The following ERBB4 variants were observed in gnomAD, a reference collection of about 807,000 sequenced individuals.
The protein encoded by ERBB4 is erb-b2 receptor tyrosine kinase 4.
A neutral mutation model predicts 158.0 loss-of-function variants in ERBB4; 42 were observed. The ratio of observed to expected loss-of-function variants is 0.27; its 90% confidence interval spans 0.21 to 0.34. ERBB4 has a LOEUF of 0.34. ERBB4 is among the 10% of genes least tolerant of loss of function. ERBB4 has a pLI of 1.00. For missense variants in ERBB4, 1,333 were observed against 1,624.1 expected, an observed-to-expected ratio of 0.82 and a Z score of 3.08; for synonymous variants, 583 against 558.7, an observed-to-expected ratio of 1.04 and a Z score of -0.61.
intron 3 of ERBB4, among the ~76,000 whole-genome samples, chr2:211,923,381 T>C (rs1281322132): frequency 1.3e-5 from 2 of 152,156 alleles, no homozygotes; most frequent in African/African-American, 4.8e-5. Flanking sequence ...TAAACAATGT[T>C]AAGATGAAAT....
intron 2 of ERBB4, among the ~76,000 whole-genome samples, chr2:212,105,971 C>G (rs139737091): frequency 6.6e-6 from 1 of 152,200 alleles, no homozygotes; most frequent in Non-Finnish European, 1.5e-5. Flanking sequence ...GATTGTAAAG[C>G]CTCCCCAGCC....
chr2:211,382,017 A>G lies in ERBB4; in HGVS notation c.*1598T>C, dbSNP rs2062581143. On this transcript the variant is annotated 3_prime_UTR_variant, in exon 28 of 28. Coordinates refer to ENST00000342788, the MANE Select transcript of ERBB4 (RefSeq NM_005235.3). ...ATAATAATGATGGTTCTAGTACTGGATGCAGTATATGAAGAAAGGGAATTA... is the reference window on the plus strand; with the variant it reads ...ATAATAATGATGGTTCTAGTACTGGGTGCAGTATATGAAGAAAGGGAATTA... 1 of 229,096 alleles carries G rather than the reference A, an allele frequency of 4.4e-6. No individual in the cohort carries two copies. The allele number at this position is 229,096 out of a possible 1,614,324, so 14.2% of individuals were successfully genotyped here.
intron 19 of ERBB4, among the ~76,000 whole-genome samples, chr2:211,593,149 A>G (rs1416091035): frequency 6.6e-6 from 1 of 152,172 alleles, no homozygotes; most frequent in Non-Finnish European, 1.5e-5. Flanking sequence ...TCAATGGGGC[A>G]AAAAAGCAGA....
intron 10 of ERBB4, among the ~76,000 whole-genome samples, chr2:211,705,097 C>T (rs1437491456): frequency 6.6e-6 from 1 of 152,018 alleles, no homozygotes; most frequent in Non-Finnish European, 1.5e-5. Context: ...GCTGGGATTA[C>T]AGGCACGCGC....
intron 3 of ERBB4, among the ~76,000 whole-genome samples, chr2:211,946,123 G>T (rs553626607): frequency 6.6e-6 from 1 of 151,934 alleles, no homozygotes; most frequent in Non-Finnish European, 1.5e-5. Context: ...AGAAATAAAA[G>T]TGAAAATGTT....
At position 211,752,297 on chromosome 2, in the gene ERBB4, T is replaced by C. The variant is rs535173489; in HGVS notation, c.557-1593A>G. On this transcript the variant is annotated intron_variant, in intron 4 of 27. Transcript: ENST00000342788. Reference sequence around the variant, plus strand: ...ACTTTTTGGAGTACAAACTTTTTTATGAGAAAGTAGCTAATGTTAATGTGT... The same window carrying C: ...ACTTTTTGGAGTACAAACTTTTTTACGAGAAAGTAGCTAATGTTAATGTGT... Among the ~76,000 whole-genome samples, 14 of 152,170 alleles carry C rather than the reference T, an allele frequency of 9.2e-5. No individual in the cohort carries two copies. In the South Asian group the frequency reaches 2.9e-3, roughly 32 times the overall value.
At chr2:212,234,603 G>C (rs71500439) in intron 1 of ERBB4, among the ~76,000 whole-genome samples, 1 of 152,044 alleles carries the variant, frequency 6.6e-6, no homozygotes, top group Non-Finnish European at 1.5e-5. Context: ...CACCAACAGC[G>C]TAAAAGCGTT....
intron 2 of ERBB4, among the ~76,000 whole-genome samples, chr2:211,986,811 C>G (rs2081947953): frequency 6.6e-6 from 1 of 152,048 alleles, no homozygotes; most frequent in Admixed American, 6.6e-5. Flanking sequence ...AAAATTTTTA[C>G]TAATTACATC....
intron 3 of ERBB4, among the ~76,000 whole-genome samples, chr2:211,946,679 A>G (rs1401379823): frequency 2.2e-5 from 3 of 133,530 alleles, no homozygotes. Context: ...CATTTTGATT[A>G]CAGGTATACA....
intron 3 of ERBB4, among the ~76,000 whole-genome samples, chr2:211,836,462 T>G (rs574119499): frequency 1.5e-4 from 23 of 152,186 alleles, no homozygotes; most frequent in Middle Eastern, 3.4e-3. Flanking sequence ...ACGAGGGAAA[T>G]CCATTAGAGA....
chr2:211,987,474 T>G (rs1472582157), intron 2 of ERBB4, among the ~76,000 whole-genome samples: 1 of 151,954 alleles, frequency 6.6e-6, no homozygotes, highest in African/African-American at 2.4e-5. Context: ...TAACTCAATG[T>G]TCAGGTTAAA....
chr2:211,509,265 T>C (rs35085917), intron 20 of ERBB4, among the ~76,000 whole-genome samples: 47,291 of 151,848 alleles, frequency 0.31, 8,263 homozygotes, highest in Admixed American at 0.4. Context: ...GATGGGTTGA[T>C]AGGTGCAGCA....
chr2:211,420,431 T>TA lies in ERBB4; in HGVS notation c.3135+9dup. On this transcript the variant is annotated intron_variant, in intron 25 of 27. Coordinates refer to ENST00000342788, the MANE Select transcript of ERBB4 (RefSeq NM_005235.3). The stretch of plus-strand genomic sequence containing the variant: ...AAAGAATATGATATGTGTATATAAT[T>TA]ATTTCTTACCCTATTCGAGTCAATT... 1 of 1,585,710 alleles carries TA rather than the reference T, an allele frequency of 6.3e-7. No individual in the cohort carries two copies. The highest frequency in any genetic ancestry group is 8.7e-7 in the Non-Finnish European group (1 of 1,155,144).
intron 1 of ERBB4, among the ~76,000 whole-genome samples, chr2:212,471,910 GTTGT>G (rs1395783904): frequency 4.6e-5 from 7 of 151,792 alleles, no homozygotes; most frequent in Admixed American, 4.6e-4. Context: ...TTTAACACCT[GTTGT>G]TTGTCACCTC....
chr2:211,491,749 G>A (rs975820965), intron 20 of ERBB4, among the ~76,000 whole-genome samples: 6 of 152,032 alleles, frequency 3.9e-5, no homozygotes, highest in Admixed American at 1.3e-4. Flanking sequence ...AATCATGAAT[G>A]AGATCAATGG....
chr2:212,295,207 T>C (rs989082682), intron 1 of ERBB4, among the ~76,000 whole-genome samples: 1 of 152,124 alleles, frequency 6.6e-6, no homozygotes, highest in Non-Finnish European at 1.5e-5. Context: ...TTTAAAATAT[T>C]GCTATTTACA....
chr2:211,697,297 A>G (rs1029793109), intron 12 of ERBB4, among the ~76,000 whole-genome samples: 1 of 152,148 alleles, frequency 6.6e-6, no homozygotes, highest in Non-Finnish European at 1.5e-5. Flanking sequence ...CCAATCAGGA[A>G]ATTTTAAAAA....
In ERBB4 at chr2:211,954,804, C is replaced by A. The variant is rs909295923; in HGVS notation, c.235-7188G>T. On this transcript the variant is annotated intron_variant, in intron 2 of 27. Transcript: ENST00000342788. ...CCTAGGCAATTAATTTCTGTCCCTG[C>A]CCTTCACAGCATGTCTGAGAATATC... 1.9e-4 allele frequency among the ~76,000 whole-genome samples: 29 copies of A among 152,136 alleles called. No individual in the cohort carries two copies. The East Asian group carries it at 4.6e-3, about 24-fold the overall frequency.
chr2:212,430,062 A>G (rs956566957), intron 1 of ERBB4, among the ~76,000 whole-genome samples: 1 of 152,204 alleles, frequency 6.6e-6, no homozygotes, highest in Non-Finnish European at 1.5e-5. Flanking sequence ...GGACAGATTA[A>G]ATAATCCACT....
Sources: gnomAD v4.1 joint callset for allele counts (sites outside exome capture counted in the v4.1 genomes callset) on GRCh38, gnomAD v4.1.1 for gene constraint, MANE v1.5 for transcripts, NCBI Gene and HGNC (gene_info 2026-07-23, HGNC 2026-07-21) for gene names.